IL12RB1: variants seen among roughly 807,000 people sequenced by gnomAD.
IL12RB1 encodes interleukin 12 receptor subunit beta 1, also known as interleukin-12 receptor subunit beta-1.
A neutral mutation model predicts 94.4 loss-of-function variants in IL12RB1; 64 were observed. That is an observed-to-expected ratio of 0.68 (90% CI 0.55 to 0.83). The LOEUF (loss-of-function observed/expected upper bound fraction) is 0.83, where lower values mean the gene tolerates loss of function less well. Ranked by LOEUF, IL12RB1 falls within the 40% of genes least tolerant of loss-of-function variation. The probability of loss-of-function intolerance (pLI) is 0.00; values close to 1 mark genes in which losing one functional copy is unlikely to be tolerated. For missense variants in IL12RB1, 814 were observed against 855.6 expected (o/e 0.95, Z 0.61); for synonymous variants, 362 against 355.5 (o/e 1.02, Z -0.21).
Position 18,084,404 on chromosome 19 carries a change from A to T in IL12RB1, c.65-913T>A, listed in dbSNP as rs368124410. Among the ~76,000 whole-genome samples the T allele has an allele frequency of 3.2e-4, 39 of 121,720 alleles. No homozygotes were observed. The South Asian group carries it at 8.6e-3, about 27-fold the overall frequency. The allele number at this position is 121,720 out of a possible 152,430, so 79.9% of individuals were successfully genotyped here. On this transcript the variant is annotated intron_variant, in intron 1 of 16. Transcript: ENST00000593993. ...CATTCATCCATCCATCCATGTATTA[A>T]TCCATCCATCCATCCATCCATCCAT...
In IL12RB1 at chr19:18,073,514, T is replaced by C. The variant is rs766448482; in HGVS notation, c.783+3A>G. 1.3e-6 allele frequency: 2 copies of C among 1,590,680 alleles called. No homozygotes were observed. The highest frequency in any genetic ancestry group is 1.7e-5 in the Admixed American group (1 of 59,936). ...CCCCACAGCCCTGTGACAGCCCCGT[T>C]ACCTGCTCTTTCAGGGTCAGCCGCC... On this transcript the variant is annotated splice_donor_region_variant and intron_variant, in intron 8 of 16. Coordinates refer to ENST00000593993, the MANE Select transcript of IL12RB1 (RefSeq NM_005535.3).
Position 18,083,059 on chromosome 19 carries a change from G to A in IL12RB1, c.124+373C>T, listed in dbSNP as rs770879577. The stretch of plus-strand genomic sequence containing the variant: ...GATCAGGCCACTGCACTCCAACCTG[G>A]GCAGCAGAACAAGACTCCGTCTCAA... On this transcript the variant is annotated intron_variant, in intron 2 of 16. Transcript: ENST00000593993. The A allele has an allele frequency of 1.4e-5, 5 of 361,570 alleles. No homozygotes were observed. The East Asian group carries it at 2.7e-4, about 20-fold the overall frequency. The allele number at this position is 361,570 out of a possible 1,614,324, so 22.4% of individuals were successfully genotyped here.
chr19:18,084,163 TCATC>T (rs778749475), intron 1 of IL12RB1, among the ~76,000 whole-genome samples: 12 of 145,232 alleles, frequency 8.3e-5, no homozygotes, highest in Non-Finnish European at 1.8e-4. Context: ...ATCCATCTAC[TCATC>T]CATCCATCTG....
rs372296404 is a variant in IL12RB1 at position 18,063,327 on chromosome 19, G to A, written c.1618+549C>T. 6.6e-5 allele frequency among the ~76,000 whole-genome samples: 10 copies of A among 151,614 alleles called. No individual in the cohort carries two copies. In the South Asian group the frequency reaches 1.3e-3, roughly 19 times the overall value. ...TGCCCAGGCTGGTCTTGAACTCCTC[G>A]GCTCAAGCAATCCTCCAGCCTCAGC... On this transcript the variant is annotated intron_variant, in intron 13 of 16. Coordinates refer to ENST00000593993, the MANE Select transcript of IL12RB1 (RefSeq NM_005535.3).
Position 18,086,824 on chromosome 19 carries a change from C to T in IL12RB1, c.-1G>A, listed in dbSNP as rs1344401352. 22 of 1,610,032 alleles carry T rather than the reference C, an allele frequency of 1.4e-5. No homozygotes were observed. The highest frequency in any genetic ancestry group is 2.2e-5 in the South Asian group (2 of 90,556). On this transcript the variant is annotated 5_prime_UTR_variant, in exon 1 of 17. Transcript: ENST00000593993. ...CCACCCAGGTCACCAGCGGCTCCAT[C>T]GGATCCACGTAGAGCCCCACAGCCC...
rs771721483 is a variant in IL12RB1 at position 18,063,937 on chromosome 19, C to T, written c.1557G>A (p.Gln519=). ...TCAGCCACGCTGTGTCTGCTCGCAC[C>T]TGCACCGTGTAGGCTACACCAGCCC... The part of the protein sequence containing the change: ...GLRAGVAYTV[Q]VRADTAWLRG... The change falls in exon 13 of 17, where the codon CAG becomes CAA. Residue 519 remains glutamine (Q), a synonymous_variant. Coordinates refer to ENST00000593993, the MANE Select transcript of IL12RB1 (RefSeq NM_005535.3). The T allele has an allele frequency of 6.2e-7, 1 of 1,613,360 alleles. No individual in the cohort carries two copies. Among genetic ancestry groups the T allele is most frequent in the East Asian group, 2.2e-5 (1 of 44,850 alleles).
At chr19:18,067,238 C>T (rs942348753) in intron 11 of IL12RB1, among the ~76,000 whole-genome samples, 8 of 148,756 alleles carry the variant, frequency 5.4e-5, no homozygotes, top group African/African-American at 1.5e-4. Flanking sequence ...GCACGAGAAT[C>T]GCTTGAACCC....
chr19:18,095,041 TGGTGGCG>T lies in IL12RB1; in HGVS notation c.-230+3707_-230+3713del, dbSNP rs566907009. On this transcript the variant is annotated intron_variant, in intron 1 of 4. Transcript: ENST00000594176. Reference sequence around the variant, plus strand: ...TAAAAATGCAAAAATTAGCTGGGAGTGGTGGCGGGTGTCTGTAATCCCAGCTACTCAG... The same window carrying T: ...TAAAAATGCAAAAATTAGCTGGGAGTGGTGTCTGTAATCCCAGCTACTCAG... 9.3e-5 allele frequency among the ~76,000 whole-genome samples: 14 copies of T among 151,168 alleles called. No homozygotes were observed. The South Asian group carries it at 2.9e-3, about 32-fold the overall frequency.
intron 7 of IL12RB1, among the ~76,000 whole-genome samples, chr19:18,074,114 C>T (rs530406059): frequency 6.6e-6 from 1 of 152,292 alleles, no homozygotes; most frequent in South Asian, 2.1e-4. Flanking sequence ...TGAGCCACTG[C>T]GCCTGGCCTC....
At chr19:18,094,424 C>A (rs529444982) in intron 1 of IL12RB1, among the ~76,000 whole-genome samples, 2 of 152,172 alleles carry the variant, frequency 1.3e-5, no homozygotes, top group Non-Finnish European at 2.9e-5. Context: ...CCAGCACACA[C>A]GGCCAACACA....
chr19:18,081,338 C>T (rs532765660), intron 3 of IL12RB1, among the ~76,000 whole-genome samples: 1 of 151,448 alleles, frequency 6.6e-6, no homozygotes, highest in East Asian at 2.0e-4. Flanking sequence ...TCAAGTGATC[C>T]GCCCACCTCA....
chr19:18,072,946 CAAAAAA>C (rs11336251), intron 8 of IL12RB1, among the ~76,000 whole-genome samples: 1 of 75,212 alleles, frequency 1.3e-5, no homozygotes, highest in African/African-American at 5.5e-5. Flanking sequence ...GACTCCATCT[CAAAAAA>C]AAAAAAAAAA....
chr19:18,098,506 A>G (rs1481640643), intron 1 of IL12RB1, among the ~76,000 whole-genome samples: 2 of 151,742 alleles, frequency 1.3e-5, no homozygotes, highest in African/African-American at 4.8e-5. Flanking sequence ...TACTGAGTTT[A>G]TGTTTAGGAG....
At chr19:18,094,705 A>C (rs2036804618) in intron 1 of IL12RB1, among the ~76,000 whole-genome samples, 1 of 152,094 alleles carries the variant, frequency 6.6e-6, no homozygotes, top group Non-Finnish European at 1.5e-5. Context: ...CTCTACAAAA[A>C]ATACAAAAAA....
chr19:18,085,962 T>A (rs1328224674), intron 1 of IL12RB1, among the ~76,000 whole-genome samples: 1 of 151,898 alleles, frequency 6.6e-6, no homozygotes, highest in African/African-American at 2.4e-5. Context: ...ATGCCTGTAA[T>A]CTGAGCACTT....
At chr19:18,098,388 C>T (rs1471065764) in intron 1 of IL12RB1, among the ~76,000 whole-genome samples, 1 of 152,154 alleles carries the variant, frequency 6.6e-6, no homozygotes, top group African/African-American at 2.4e-5. Flanking sequence ...CGCCCTCAAC[C>T]AGCTCTCTTA....
At chr19:18,073,452 G>T in intron 8 of IL12RB1, 65 bp downstream of exon 8, 1 of 968,100 alleles carries the variant, frequency 1.0e-6, no homozygotes. Flanking sequence ...CTCATCCCCC[G>T]CCTAGGCTTT....
chr19:18,075,252 C>CTTTTTTTTTTTTTTTTTTTTT (rs71164363), intron 7 of IL12RB1, among the ~76,000 whole-genome samples: 1 of 132,966 alleles, frequency 7.5e-6, no homozygotes, highest in East Asian at 2.2e-4. Flanking sequence ...TTTATTATTA[C>CTTTTTTTTTTTTTTTTTTTTT]TTTTTTTTTT....
chr19:18,068,160 G>T, intron 11 of IL12RB1, among the ~76,000 whole-genome samples: 1 of 150,666 alleles, frequency 6.6e-6, no homozygotes, highest in East Asian at 2.0e-4. Flanking sequence ...CAAGTATCTG[G>T]AATTACAGGC....
Sources: allele counts gnomAD v4.1 joint callset (sites outside exome capture counted in the v4.1 genomes callset), GRCh38; gene constraint gnomAD v4.1.1; transcripts MANE v1.5; gene names NCBI Gene and HGNC (gene_info 2026-07-23, HGNC 2026-07-21).